Variants in PARD3 observed in about 807,000 individuals in gnomAD.
PARD3 encodes par-3 family cell polarity regulator, also known as partitioning defective 3 homolog.
PARD3 carries 75 observed loss-of-function variants against 155.4 expected under a neutral mutation model. That is an observed-to-expected ratio of 0.48 (90% CI 0.40 to 0.58). The LOEUF (loss-of-function observed/expected upper bound fraction) is 0.58, where lower values mean the gene tolerates loss of function less well. Ranked by LOEUF, PARD3 falls within the 20% of genes least tolerant of loss-of-function variation. The pLI is 0.00. For synonymous variants in PARD3, 576 were observed against 610.5 expected (o/e 0.94, Z 0.83); for missense variants, 1,642 against 1,721.7 (o/e 0.95, Z 0.82).
chr10:34,142,794 G>C (rs1271860191), intron 22 of PARD3, among the ~76,000 whole-genome samples: 1 of 152,138 alleles, frequency 6.6e-6, no homozygotes, highest in African/African-American at 2.4e-5. Context: ...TGGCAAGGAC[G>C]TGTAAGGGAT....
At chr10:34,343,976 AC>A (rs1343036642) in intron 15 of PARD3, 92 of 983,104 alleles carry the variant, frequency 9.4e-5, no homozygotes, top group Non-Finnish European at 1.1e-4. Flanking sequence ...CACAATAAAA[AC>A]ATTAATGTTT....
intron 18 of PARD3, among the ~76,000 whole-genome samples, chr10:34,335,431 TATA>T (rs1467537276): frequency 2.6e-5 from 4 of 152,040 alleles, no homozygotes; most frequent in African/African-American, 9.7e-5. Context: ...ATTCCAAACT[TATA>T]ATAAGTCATA....
rs117026166 is a variant in PARD3 at position 34,160,725 on chromosome 10, C to T, written c.3420-29142G>A. Among the ~76,000 whole-genome samples the T allele has an allele frequency of 1.6e-3, 242 of 152,180 alleles. 9 individuals carry two copies. The East Asian group carries it at 0.042, about 26-fold the overall frequency. On this transcript the variant is annotated intron_variant, in intron 22 of 24. Coordinates refer to ENST00000374788, the MANE Select transcript of PARD3 (RefSeq NM_001184785.2). ...AGCAAGAGAACAATGGTGCACATCCCCAGACTTCTTACCAACATGTAAACT... is the reference window on the plus strand; with the variant it reads ...AGCAAGAGAACAATGGTGCACATCCTCAGACTTCTTACCAACATGTAAACT...
chr10:34,696,283 G>A, intron 2 of PARD3, 35 bp downstream of exon 2: 2 of 1,138,776 alleles, frequency 1.8e-6, no homozygotes, highest in Non-Finnish European at 2.6e-6. Flanking sequence ...AAAAAAAAAT[G>A]CATTCAGAAC....
intron 20 of PARD3, among the ~76,000 whole-genome samples, chr10:34,294,322 C>T (rs185591865): frequency 2.6e-5 from 4 of 152,172 alleles, no homozygotes; most frequent in Admixed American, 6.5e-5. Flanking sequence ...GTTACAGCAA[C>T]GGAAACACCT....
Position 34,517,095 on chromosome 10 carries a change from G to A in PARD3, c.287C>T (p.Thr96Met), listed in dbSNP as rs755840473. The A allele has an allele frequency of 2.2e-5, 35 of 1,614,038 alleles. No individual in the cohort carries two copies. The highest frequency in any genetic ancestry group is 2.6e-5 in the Non-Finnish European group (31 of 1,180,014). The change falls in exon 3 of 25, where the codon ACG becomes ATG. Residue 96 changes from threonine to methionine, a missense_variant. Coordinates refer to ENST00000374788, the MANE Select transcript of PARD3 (RefSeq NM_001184785.2). ...AAATATCTCTGGGCTCTGGGTACCCGTGGAACTGGCACTGGTGCCATCACC... is the reference window on the plus strand; with the variant it reads ...AAATATCTCTGGGCTCTGGGTACCCATGGAACTGGCACTGGTGCCATCACC... ...HGGDGTSASSTGTQSPEIFGS... is the reference protein window; with the variant it reads ...HGGDGTSASSMGTQSPEIFGS...
At chr10:34,663,572 C>T (rs558598327) in intron 2 of PARD3, among the ~76,000 whole-genome samples, 2 of 152,110 alleles carry the variant, frequency 1.3e-5, no homozygotes, top group South Asian at 2.1e-4. Context: ...ACACCTAATA[C>T]GTATCCACAA....
chr10:34,696,357 A>G lies in PARD3; in HGVS notation c.183T>C (p.Leu61=). Residue 61 remains leucine, a synonymous_variant, in exon 2 of 25, where the codon CTT becomes CTC. Coordinates refer to ENST00000374788, the MANE Select transcript of PARD3 (RefSeq NM_001184785.2). ...CTGCTACATCACAAAGAATGTCATC[A>G]AGGTCTAGTATTCCTCCATCTCCAT... ...LEHGDGGILD[L]DDILCDVADD... is the part of the protein sequence containing the mutation. The G allele has an allele frequency of 6.2e-7, 1 of 1,612,570 alleles. No homozygotes were observed. The highest frequency in any genetic ancestry group is 8.5e-7 in the Non-Finnish European group (1 of 1,178,618).
chr10:34,427,496 T>C (rs908730203), intron 5 of PARD3, among the ~76,000 whole-genome samples: 5 of 152,194 alleles, frequency 3.3e-5, no homozygotes, highest in African/African-American at 1.2e-4. Context: ...CCTGTTAAGA[T>C]GTTTATCAAT....
intron 3 of PARD3, among the ~76,000 whole-genome samples, chr10:34,480,383 C>T (rs746437356): frequency 1.3e-5 from 2 of 152,160 alleles, no homozygotes; most frequent in African/African-American, 2.4e-5. Flanking sequence ...TATAGGTGGA[C>T]ACCACTACTC....
chr10:34,368,182 G>A (rs891852165), intron 12 of PARD3, among the ~76,000 whole-genome samples: 2 of 152,152 alleles, frequency 1.3e-5, no homozygotes, highest in African/African-American at 2.4e-5. Context: ...CCAGGAGGCG[G>A]AGGCTCCAGT....
At chr10:34,179,899 T>G (rs1950196094) in intron 22 of PARD3, among the ~76,000 whole-genome samples, 1 of 152,148 alleles carries the variant, frequency 6.6e-6, no homozygotes, top group African/African-American at 2.4e-5. Context: ...GGAGGGACTG[T>G]GGTTAAAATG....
chr10:34,241,921 A>G (rs1953622927), intron 22 of PARD3, among the ~76,000 whole-genome samples: 1 of 152,220 alleles, frequency 6.6e-6, no homozygotes, highest in East Asian at 1.9e-4. Flanking sequence ...CAACATGGTT[A>G]TAACTATCTG....
chr10:34,412,704 T>G (rs937227670), intron 5 of PARD3, among the ~76,000 whole-genome samples: 1 of 152,222 alleles, frequency 6.6e-6, no homozygotes, highest in Non-Finnish European at 1.5e-5. Context: ...TTAGTACTTT[T>G]GATTTCCTCA....
At chr10:34,680,776 T>C (rs566192507) in intron 2 of PARD3, among the ~76,000 whole-genome samples, 5 of 137,320 alleles carry the variant, frequency 3.6e-5, no homozygotes, top group South Asian at 4.6e-4. Flanking sequence ...TAGGTGGGAA[T>C]TGAACAATGA....
chr10:34,481,586 G>C (rs2079085494), intron 3 of PARD3, among the ~76,000 whole-genome samples: 1 of 152,158 alleles, frequency 6.6e-6, no homozygotes, highest in Non-Finnish European at 1.5e-5. Context: ...GCCACCCAGA[G>C]AGCAAATGGA....
In PARD3 at chr10:34,531,389, A is replaced by G. The variant is rs145843958; in HGVS notation, c.223-14230T>C. On this transcript the variant is annotated intron_variant, in intron 2 of 24. Transcript: ENST00000374788. Reference sequence around the variant, plus strand: ...CCAAGCCTCTTTAAAAAATTATCAAACCATCCTTTGCTGGCATTAAATTCT... The same window carrying G: ...CCAAGCCTCTTTAAAAAATTATCAAGCCATCCTTTGCTGGCATTAAATTCT... 2.8e-4 allele frequency among the ~76,000 whole-genome samples: 42 copies of G among 152,252 alleles called. 1 individual carries two copies. Among genetic ancestry groups the G allele is most frequent in the African/African-American group, 9.6e-4 (40 of 41,534 alleles).
At chr10:34,371,317 T>C (rs1159260157) in intron 12 of PARD3, among the ~76,000 whole-genome samples, 1 of 151,692 alleles carries the variant, frequency 6.6e-6, no homozygotes, top group African/African-American at 2.4e-5. Flanking sequence ...AGGAATTGTC[T>C]ACAACACACA....
intron 3 of PARD3, among the ~76,000 whole-genome samples, chr10:34,497,378 T>C (rs866533111): frequency 6.6e-6 from 1 of 152,220 alleles, no homozygotes; most frequent in African/African-American, 2.4e-5. Flanking sequence ...TACAAGAGGA[T>C]GTGTGCAGGT....
Sources: allele counts gnomAD v4.1 joint callset (sites outside exome capture counted in the v4.1 genomes callset), GRCh38; gene constraint gnomAD v4.1.1; transcripts MANE v1.5; gene names NCBI Gene and HGNC (gene_info 2026-07-23, HGNC 2026-07-21).